GPS1: variants seen among roughly 807,000 people sequenced by gnomAD.
The protein encoded by GPS1 is COP9 signalosome complex subunit 1.
Under a neutral mutation model 60.0 loss-of-function variants are expected in GPS1, and 11 were observed. That is an observed-to-expected ratio of 0.18 (90% CI 0.12 to 0.30). The LOEUF is 0.30. Ranked by LOEUF, GPS1 falls within the 10% of genes least tolerant of loss-of-function variation. The pLI, the probability that GPS1 is intolerant of heterozygous loss-of-function variation, is 1.00. For synonymous variants in GPS1, 343 were observed against 269.8 expected, an observed-to-expected ratio of 1.27 and a Z score of -2.66; for missense variants, 543 against 669.2, an observed-to-expected ratio of 0.81 and a Z score of 2.08.
intron 12 of GPS1, 22 bp from the exon 13 acceptor site, chr17:82,057,031 C>A (rs889999667): frequency 3.7e-6 from 6 of 1,608,400 alleles, no homozygotes; most frequent in Non-Finnish European, 5.1e-6. Flanking sequence ...TGGCTGTGAG[C>A]TGCTCCTTGT....
chr17:82,055,271 A>T, intron 6 of GPS1, 49 bp downstream of exon 6: 1 of 1,530,434 alleles, frequency 6.5e-7, no homozygotes, highest in Non-Finnish European at 8.9e-7. Flanking sequence ...CCTGTTGCTA[A>T]GTCCTCCCAG....
intron 1 of GPS1, chr17:82,052,918 A>G (rs2031315642): frequency 4.0e-6 from 1 of 248,260 alleles, no homozygotes. Flanking sequence ...CTTGGAGGAA[A>G]CTACATCAGG....
In GPS1 at chr17:82,053,907, C is replaced by T. The variant is rs770336572; in HGVS notation, c.166C>T (p.Arg56Cys). 13 of 1,612,354 alleles carry T rather than the reference C, an allele frequency of 8.1e-6. No individual in the cohort carries two copies. Among genetic ancestry groups the T allele is most frequent in the Admixed American group, 3.3e-5 (2 of 59,982 alleles). Residue 56 changes from arginine to cysteine, a missense_variant, in exon 3 of 13, where the codon CGC becomes TGC. Coordinates refer to ENST00000578552, the MANE Select transcript of GPS1 (RefSeq NM_001321092.3). ...CGCGGCCAGCTACAGCGGCCTGATG[C>T]GCATCGAACGGCTGCAGTTCATTGC... ...QYAASYSGLM[R>C]IERLQFIADH...
At position 82,055,993 on chromosome 17, in the gene GPS1, C is replaced by T; in HGVS notation, c.835-8C>T. 1 of 1,602,478 alleles carries T rather than the reference C, an allele frequency of 6.2e-7. No homozygotes were observed. Among genetic ancestry groups the T allele is most frequent in the Non-Finnish European group, 8.5e-7 (1 of 1,170,748 alleles). On this transcript the variant is annotated splice_region_variant and splice_polypyrimidine_tract_variant and intron_variant, in intron 7 of 12. Coordinates refer to ENST00000578552, the MANE Select transcript of GPS1 (RefSeq NM_001321092.3). ...CACTGCCTGTGACGCCAGGTCTCTGCTCCTCAGCTGCTGTCCCCCAGCAAC... is the reference window on the plus strand; with the variant it reads ...CACTGCCTGTGACGCCAGGTCTCTGTTCCTCAGCTGCTGTCCCCCAGCAAC...
upstream of GPS1, chr17:82,051,879 A>T: frequency 8.7e-7 from 1 of 1,150,492 alleles, no homozygotes; most frequent in Non-Finnish European, 1.1e-6. The surrounding 1 kb of genome is among the most constrained non-coding windows in gnomAD (Gnocchi z 4.1). Context: ...CCCGGAAGCG[A>T]CGGCTTCGCT....
At chr17:82,051,312 C>T, upstream of GPS1, 1 of 1,437,080 alleles carries the variant, frequency 7.0e-7, no homozygotes, top group Non-Finnish European at 9.1e-7. The surrounding 1 kb of genome is among the most constrained non-coding windows in gnomAD (Gnocchi z 4.1). Flanking sequence ...AGCTCGAGCT[C>T]AGGGTCGTCC....
chr17:82,057,461 A>G lies in GPS1; in HGVS notation c.*334A>G. 1 of 490,212 alleles carries G rather than the reference A, an allele frequency of 2.0e-6. No individual in the cohort carries two copies. The highest frequency in any genetic ancestry group is 4.7e-5 in the East Asian group (1 of 21,124). The allele number at this position is 490,212 out of a possible 1,614,324, so 30.4% of individuals were successfully genotyped here. A position where few individuals can be genotyped will look rare whatever the true frequency, so the allele number is the denominator to read the frequency against. ...GTGGGCGGTGTCCATTAAAGAGCAG[A>G]CTCAGCGTTGCTCTTGGCTGTTCTT... On this transcript the variant is annotated 3_prime_UTR_variant, in exon 13 of 13. Coordinates refer to ENST00000578552, the MANE Select transcript of GPS1 (RefSeq NM_001321092.3).
upstream of GPS1, chr17:82,051,573 T>C: frequency 7.3e-7 from 1 of 1,363,216 alleles, no homozygotes; most frequent in Non-Finnish European, 9.5e-7. This position sits in a 1 kb window ranked among gnomAD's most constrained non-coding sequence, Gnocchi z 4.1. Flanking sequence ...CCGGGTGGTC[T>C]TGACGGCGAT....
intron 4 of GPS1, 42 bp from the exon 5 acceptor site, chr17:82,054,856 T>C (rs1342936810): frequency 2.5e-6 from 4 of 1,570,940 alleles, no homozygotes; most frequent in Admixed American, 3.5e-5. Context: ...GGCTGGGCCA[T>C]TGGGGCGCCC....
rs144100968 is a variant in GPS1, at chr17:82,052,427, G to A, written c.33+463G>A. On this transcript the variant is annotated intron_variant, in intron 1 of 12. Coordinates refer to ENST00000578552, the MANE Select transcript of GPS1 (RefSeq NM_001321092.3). ...CACGGCCGGGGACTTCAGCCTGAGC[G>A]CCAGCCTGTCGGCCTGTACGCTGCT... 2.5e-6 allele frequency: 4 copies of A among 1,611,336 alleles called. No homozygotes were observed. In the African/African-American group the frequency reaches 5.3e-5, roughly 22 times the overall value.
chr17:82,055,645 T>C (rs2032441960), intron 6 of GPS1, 95 bp from the exon 7 acceptor site: 1 of 812,842 alleles, frequency 1.2e-6, no homozygotes, highest in South Asian at 1.6e-5. Context: ...CGGCTGGTGG[T>C]CGCGTTCTCC....
Position 82,052,064 on chromosome 17 carries a change from C to A in GPS1, c.33+100C>A, listed in dbSNP as rs868688522. On this transcript the variant is annotated intron_variant, in intron 1 of 12. Transcript: ENST00000578552. ...GGGGCGCGGGGCCTGCGCCAGGAGT[C>A]GGTCGGGCACGCTCCGTGCCGGGCC... 9 of 940,950 alleles carry A rather than the reference C, an allele frequency of 9.6e-6. No individual in the cohort carries two copies. The South Asian group carries it at 2.5e-4, about 26-fold the overall frequency. 58.3% of individuals were successfully genotyped at this position (940,950 alleles called of 1,614,324 possible).
Position 82,054,676 on chromosome 17 carries a change from C to T in GPS1, c.475C>T (p.Arg159Cys). The T allele has an allele frequency of 6.2e-7, 1 of 1,611,502 alleles. No individual in the cohort carries two copies. Reference protein sequence around the residue: ...KGNSIKESIRRGHDDLGDHYL... With the variant: ...KGNSIKESIRCGHDDLGDHYL... ...CAACTCCATCAAAGAGAGCATCCGG[C>T]GCGGCCACGACGACCTGGGCGACCA... Residue 159 changes from arginine (R) to cysteine (C), a missense_variant, in exon 4 of 13, where the codon CGC (arginine) becomes TGC (cysteine). Around this residue, in one of 3 missense-constraint regions of GPS1, gnomAD observed 71 missense variants for 126.7 expected, o/e 0.56. Transcript: ENST00000578552.
chr17:82,055,304 T>G (rs1028835373), intron 6 of GPS1, 82 bp downstream of exon 6: 3 of 1,402,400 alleles, frequency 2.1e-6, no homozygotes, highest in Admixed American at 2.0e-5. Context: ...GGCTGGTCCC[T>G]GCCTCAGCCA....
chr17:82,054,178 GCT>G (rs1240100113), intron 3 of GPS1, 129 bp downstream of exon 3: 20 of 1,089,812 alleles, frequency 1.8e-5, no homozygotes, highest in South Asian at 3.3e-5. Context: ...TAGAGCTCTC[GCT>G]CTCTTTTGGC....
At chr17:82,051,175 C>A, upstream of GPS1, 1 of 1,303,866 alleles carries the variant, frequency 7.7e-7, no homozygotes, top group Non-Finnish European at 9.8e-7. This position sits in a 1 kb window ranked among gnomAD's most constrained non-coding sequence, Gnocchi z 4.1. Flanking sequence ...CGGGGCCTCC[C>A]CGGGCCTCGG....
intron 10 of GPS1, 26 bp downstream of exon 10, chr17:82,056,576 A>G (rs764243864): frequency 6.2e-7 from 1 of 1,612,658 alleles, no homozygotes; most frequent in South Asian, 1.1e-5. Context: ...AGGCTGGCAC[A>G]CGGCAGGCGG....
rs1344834980 is a variant in GPS1, at chr17:82,056,871, G to A, written c.1286G>A (p.Ser429Asn). The A allele has an allele frequency of 6.2e-7, 1 of 1,612,832 alleles. No individual in the cohort carries two copies. ...TACGCCCGGGACGTGGATCAGCGCA[G>A]CACCACCTTTGAGAAGTCTCTGTTG... ...ILYARDVDQR[S>N]TTFEKSLLMG... The change falls in exon 12 of 13, where the codon AGC becomes AAC. Residue 429 changes from serine to asparagine, a missense_variant. Physicochemically the swap from Ser to Asn is conservative, Grantham distance 46 (BLOSUM62 1). This residue lies in a region of GPS1 where 291 missense variants were observed against 353.7 expected (regional missense o/e 0.82). Coordinates refer to ENST00000578552, the MANE Select transcript of GPS1 (RefSeq NM_001321092.3).
chr17:82,050,956 C>A (rs2030449926), upstream of GPS1: 4 of 1,422,538 alleles, frequency 2.8e-6, no homozygotes, highest in Non-Finnish European at 2.8e-6. Context: ...CTGAAGCAGG[C>A]GGCCATCGGT....
Sources: allele counts gnomAD v4.1 joint callset, GRCh38; gene constraint gnomAD v4.1.1; regional missense constraint gnomAD v4.1.1; non-coding constraint Gnocchi (gnomAD v3.1); transcripts MANE v1.5; gene names NCBI Gene and HGNC (gene_info 2026-07-23, HGNC 2026-07-21).